The following DGKD variants were observed in gnomAD, a reference collection of about 807,000 sequenced individuals.
DGKD encodes DAG kinase delta.
In DGKD, 68 loss-of-function variants were observed where a neutral mutation model predicts 154.4. The ratio of observed to expected loss-of-function variants is 0.44; its 90% CI spans 0.36 to 0.54. The LOEUF (loss-of-function observed/expected upper bound fraction) is 0.54. Ranked by LOEUF, DGKD falls within the 20% of genes least tolerant of loss-of-function variation. The pLI is 0.00. For synonymous variants in DGKD, 693 were observed against 638.0 expected, an observed-to-expected ratio of 1.09 and a Z score of -1.30; for missense variants, 1,343 against 1,593.6, an observed-to-expected ratio of 0.84 and a Z score of 2.68.
At chr2:233,368,047 T>C (rs1335300235) in intron 1 of DGKD, among the ~76,000 whole-genome samples, 1 of 152,094 alleles carries the variant, frequency 6.6e-6, no homozygotes, top group Non-Finnish European at 1.5e-5. Context: ...TAATAGGTGA[T>C]TCCTGGGCAC....
chr2:233,440,422 A>G lies in DGKD; in HGVS notation c.1086-1465A>G, dbSNP rs2125608506. Among the ~76,000 whole-genome samples the G allele has an allele frequency of 6.6e-6, 1 of 152,302 alleles. No homozygotes were observed. The highest frequency in any genetic ancestry group is 2.1e-4 in the South Asian group (1 of 4,824). On this transcript the variant is annotated intron_variant, in intron 9 of 29. Transcript: ENST00000264057. The surrounding 1 kb of genome is among the most constrained non-coding windows in gnomAD (Gnocchi z 4.9). ...TGAGCCAGGCGGGGAGTGCAGATGC[A>G]GGGAATGGGTAGGAGCACACGCAGG...
intron 14 of DGKD, among the ~76,000 whole-genome samples, 165 bp downstream of exon 14, chr2:233,448,540 G>A (rs1478996147): frequency 2.6e-5 from 4 of 152,232 alleles, no homozygotes; most frequent in East Asian, 1.9e-4. Context: ...AACAAAGAAC[G>A]AAGGCAGGGA....
intron 1 of DGKD, among the ~76,000 whole-genome samples, chr2:233,359,540 A>G (rs568276870): frequency 7.8e-5 from 11 of 140,680 alleles, no homozygotes; most frequent in Non-Finnish European, 1.1e-4. Context: ...CCCTGATTCC[A>G]TTTTTCTCCA....
Position 233,469,498 on chromosome 2 carries a change from C to T in DGKD, c.*38C>T, listed in dbSNP as rs111663518. 1.3e-5 allele frequency: 20 copies of T among 1,540,378 alleles called. No homozygotes were observed. The highest frequency in any genetic ancestry group is 2.4e-5 in the East Asian group (1 of 41,898). ...CAGCCTGTGGCCTCCACATCCCCGC[C>T]GCCGAGGCCTAGCCTCCGCCCTCTC... On this transcript the variant is annotated 3_prime_UTR_variant, in exon 30 of 30. Coordinates refer to ENST00000264057, the MANE Select transcript of DGKD (RefSeq NM_152879.3).
chr2:233,423,183 C>G (rs1179152790), intron 3 of DGKD, among the ~76,000 whole-genome samples: 1 of 152,154 alleles, frequency 6.6e-6, no homozygotes, highest in African/African-American at 2.4e-5. Flanking sequence ...TAGTTTCCAG[C>G]TTTTGGTGAT....
intron 10 of DGKD, chr2:233,442,480 C>A (rs955495832): frequency 3.5e-6 from 1 of 284,072 alleles, no homozygotes; most frequent in African/African-American, 2.2e-5. Flanking sequence ...CAAGCCACGG[C>A]CTCCCCAGGT....
At chr2:233,387,392 C>CGCCGAGA (rs1156542091) in intron 1 of DGKD, among the ~76,000 whole-genome samples, 2 of 152,140 alleles carry the variant, frequency 1.3e-5, no homozygotes, top group African/African-American at 4.8e-5. Flanking sequence ...AGTGTGCGAA[C>CGCCGAGA]GCCGAGAGCC....
At position 233,440,892 on chromosome 2, in the gene DGKD, T is replaced by G. The variant is rs2062864372; in HGVS notation, c.1086-995T>G. ...CACGGTGGTGACCTGAGCGGGTGGC[T>G]GGGTTGGGTGTGGAGGAGAGGCTGC... On this transcript the variant is annotated intron_variant, in intron 9 of 29. Coordinates refer to ENST00000264057, the MANE Select transcript of DGKD (RefSeq NM_152879.3). The surrounding 1 kb of genome is among the most constrained non-coding windows in gnomAD (Gnocchi z 4.9). Among the ~76,000 whole-genome samples the G allele has an allele frequency of 6.6e-6, 1 of 151,844 alleles. No individual in the cohort carries two copies. Among genetic ancestry groups the G allele is most frequent in the African/African-American group, 2.4e-5 (1 of 41,312 alleles).
Position 233,445,675 on chromosome 2 carries a change from T to G in DGKD, c.1247T>G (p.Leu416Arg). ...LGTGNDLARV[L>R]GWGSACDDDT... ...ACAGGGAACGACTTGGCCCGAGTACTGGGCTGGGGCTCAGCCTGCGATGAC... is the reference window on the plus strand; with the variant it reads ...ACAGGGAACGACTTGGCCCGAGTACGGGGCTGGGGCTCAGCCTGCGATGAC... The change falls in exon 11 of 30, where the codon CTG becomes CGG. Residue 416 changes from leucine to arginine, a missense_variant. By Grantham distance (102) the Leu-to-Arg change is moderately radical. This residue lies in a region of DGKD where 56 missense variants were observed against 111.1 expected (regional missense o/e 0.50). Coordinates refer to ENST00000264057, the MANE Select transcript of DGKD (RefSeq NM_152879.3). This position sits in a 1 kb window ranked among gnomAD's most constrained non-coding sequence, Gnocchi z 5.5. The G allele has an allele frequency of 6.2e-7, 1 of 1,613,574 alleles. No homozygotes were observed. Among genetic ancestry groups the G allele is most frequent in the Non-Finnish European group, 8.5e-7 (1 of 1,179,804 alleles).
intron 3 of DGKD, among the ~76,000 whole-genome samples, chr2:233,413,398 A>AT (rs879335750): frequency 1.6e-3 from 223 of 143,810 alleles, no homozygotes; most frequent in South Asian, 3.5e-3. Flanking sequence ...ATACCCTGTG[A>AT]TTTTTTTTTT....
Position 233,459,351 on chromosome 2 carries a change from A to C in DGKD, c.2695-406A>C, listed in dbSNP as rs2063551886. ...TCTTTGGCAATGTTTGTTGTTGAAAAGGAGGAACGGGATGATGATGGATGG... is the reference window on the plus strand; with the variant it reads ...TCTTTGGCAATGTTTGTTGTTGAAACGGAGGAACGGGATGATGATGGATGG... On this transcript the variant is annotated intron_variant, in intron 22 of 29. Transcript: ENST00000264057. This position sits in a 1 kb window ranked among gnomAD's most constrained non-coding sequence, Gnocchi z 5.7. Among the ~76,000 whole-genome samples, 1 of 152,278 alleles carries C rather than the reference A, an allele frequency of 6.6e-6. No individual in the cohort carries two copies. The highest frequency in any genetic ancestry group is 1.5e-5 in the Non-Finnish European group (1 of 68,010).
chr2:233,448,443 G>C, intron 14 of DGKD, 68 bp downstream of exon 14: 1 of 1,416,966 alleles, frequency 7.1e-7, no homozygotes, highest in Non-Finnish European at 9.8e-7. Flanking sequence ...CACCAGCAGA[G>C]GGCCGTGACT....
At chr2:233,433,800 C>G (rs1002065990) in intron 3 of DGKD, among the ~76,000 whole-genome samples, 2 of 151,926 alleles carry the variant, frequency 1.3e-5, no homozygotes, top group South Asian at 2.1e-4. Flanking sequence ...GATTTTTTTT[C>G]TACTGATTGA....
In DGKD at chr2:233,450,056, A is replaced by G. The variant is rs1467291357; in HGVS notation, c.1963A>G (p.Met655Val). Residue 655 changes from methionine to valine, a missense_variant, in exon 16 of 30, where the codon ATG becomes GTG. Met to Val is a conservative substitution (Grantham distance 21, BLOSUM62 1). This residue lies in a region of DGKD where 409 missense variants were observed against 446.0 expected (regional missense o/e 0.92). Coordinates refer to ENST00000264057, the MANE Select transcript of DGKD (RefSeq NM_152879.3). Reference sequence around the variant, plus strand: ...GGGCCTCTCTGAGTCAGAGGAGAAGATGGACCACAGAGTGTGCCCACCACT... The same window carrying G: ...GGGCCTCTCTGAGTCAGAGGAGAAGGTGGACCACAGAGTGTGCCCACCACT... ...VLGLSESEEK[M>V]DHRVCPPLSH... The G allele has an allele frequency of 6.2e-7, 1 of 1,613,978 alleles. No homozygotes were observed. Among genetic ancestry groups the G allele is most frequent in the East Asian group, 2.2e-5 (1 of 44,860 alleles).
At position 233,457,728 on chromosome 2, in the gene DGKD, A is replaced by T; in HGVS notation, c.2580+400A>T. The T allele has an allele frequency of 2.6e-6, 1 of 386,396 alleles. No homozygotes were observed. Among genetic ancestry groups the T allele is most frequent in the South Asian group, 1.9e-5 (1 of 51,522 alleles). 23.9% of individuals were successfully genotyped at this position (386,396 alleles called of 1,614,324 possible). A position where few individuals can be genotyped will look rare whatever the true frequency, so the allele number is the denominator to read the frequency against. On this transcript the variant is annotated intron_variant, in intron 21 of 29. Transcript: ENST00000264057. This position sits in a 1 kb window ranked among gnomAD's most constrained non-coding sequence, Gnocchi z 5.5. ...GGCTCAGAGTCAAGACAGGGCAGGC[A>T]CATGGAGGATGGGAGAGAGGTGCCC... is the stretch of plus-strand genomic sequence containing the variant.
intron 3 of DGKD, among the ~76,000 whole-genome samples, chr2:233,412,936 C>G (rs1224596909): frequency 6.6e-6 from 1 of 152,114 alleles, no homozygotes; most frequent in Non-Finnish European, 1.5e-5. Context: ...GGGTTAAACC[C>G]TATTTGCTCA....
intron 1 of DGKD, among the ~76,000 whole-genome samples, chr2:233,361,055 C>G (rs1701761231): frequency 1.4e-5 from 2 of 145,860 alleles, no homozygotes; most frequent in South Asian, 2.2e-4. Flanking sequence ...CTAGGGCAGC[C>G]CTGGGGAAAG....
At chr2:233,436,654 A>G (rs894337276) in intron 7 of DGKD, among the ~76,000 whole-genome samples, 17 of 152,252 alleles carry the variant, frequency 1.1e-4, no homozygotes, top group African/African-American at 3.6e-4. Flanking sequence ...CTGTCTTTAG[A>G]CATATGCAGA....
chr2:233,462,811 C>T, intron 26 of DGKD, 76 bp downstream of exon 26: 1 of 1,267,272 alleles, frequency 7.9e-7, no homozygotes, highest in Non-Finnish European at 1.1e-6. Flanking sequence ...GCTGGGCACA[C>T]AGGGCAGCAC....
Sources: allele counts gnomAD v4.1 joint callset (sites outside exome capture counted in the v4.1 genomes callset), GRCh38; gene constraint gnomAD v4.1.1; regional missense constraint gnomAD v4.1.1; non-coding constraint Gnocchi (gnomAD v3.1); transcripts MANE v1.5; gene names NCBI Gene and HGNC (gene_info 2026-07-23, HGNC 2026-07-21).